The following ASXL1 variants were observed in gnomAD, a reference collection of about 807,000 sequenced individuals.
The protein encoded by ASXL1 is polycomb group protein ASXL1.
In ASXL1, 65 loss-of-function variants were observed where a neutral mutation model predicts 89.1. The ratio of observed to expected loss-of-function variants is 0.73; its 90% confidence interval spans 0.60 to 0.90. The LOEUF (loss-of-function observed/expected upper bound fraction) is 0.90, where lower values mean the gene tolerates loss of function less well. ASXL1 is among the 40% of genes least tolerant of loss of function. The pLI, the probability that ASXL1 is intolerant of heterozygous loss-of-function variation, is 0.00. For missense variants in ASXL1, 1,786 were observed against 1,942.9 expected (o/e 0.92, Z 1.52); for synonymous variants, 739 against 746.9 (o/e 0.99, Z 0.17).
At position 32,429,587 on chromosome 20, in the gene ASXL1, A is replaced by C. The variant is rs1341646673; in HGVS notation, c.565+156A>C. 1 of 837,126 alleles carries C rather than the reference A, an allele frequency of 1.2e-6. No individual in the cohort carries two copies. The allele number at this position is 837,126 out of a possible 1,614,324, so 51.9% of individuals were successfully genotyped here. A position where few individuals can be genotyped will look rare whatever the true frequency, so the allele number is the denominator to read the frequency against. ...ATGGATGAGGCCTGCCATAGGTTCT[A>C]GTGCTGGGCTCTGCTGTGTGCCTTC... On this transcript the variant is annotated intron_variant, in intron 7 of 12. Coordinates refer to ENST00000375687, the MANE Select transcript of ASXL1 (RefSeq NM_015338.6). This position sits in a 1 kb window ranked among gnomAD's most constrained non-coding sequence, Gnocchi z 4.9.
chr20:32,391,210 T>G (rs192906173), intron 4 of ASXL1, among the ~76,000 whole-genome samples: 1 of 152,256 alleles, frequency 6.6e-6, no homozygotes, highest in African/African-American at 2.4e-5. Context: ...TTCTGTATAT[T>G]GCAGGATAGT....
chr20:32,428,260 T>A lies in ASXL1; in HGVS notation c.373+12T>A. On this transcript the variant is annotated intron_variant, in intron 5 of 12. Transcript: ENST00000375687. ...TGGTGAAAACGATGGTAAGGACCCTTTAATGGATGGGTGAGGGAGCCACAG... is the reference window on the plus strand; with the variant it reads ...TGGTGAAAACGATGGTAAGGACCCTATAATGGATGGGTGAGGGAGCCACAG... 1 of 1,614,146 alleles carries A rather than the reference T, an allele frequency of 6.2e-7. No individual in the cohort carries two copies. The highest frequency in any genetic ancestry group is 8.5e-7 in the Non-Finnish European group (1 of 1,180,006).
At position 32,431,398 on chromosome 20, in the gene ASXL1, G is replaced by T; in HGVS notation, c.796G>T (p.Ala266Ser). 1 of 1,614,148 alleles carries T rather than the reference G, an allele frequency of 6.2e-7. No individual in the cohort carries two copies. Among genetic ancestry groups the T allele is most frequent in the Non-Finnish European group, 8.5e-7 (1 of 1,180,020 alleles). ...CATTCTTGTCAACACCAACCTCCGT[G>T]CCCTGATCAACTCTCGGACCTTCCA... ...GSILVNTNLR[A>S]LINSRTFHAL... The change falls in exon 9 of 13, where the codon GCC becomes TCC. Residue 266 changes from alanine to serine, a missense_variant. Coordinates refer to ENST00000375687, the MANE Select transcript of ASXL1 (RefSeq NM_015338.6).
chr20:32,418,809 C>CTTTTTTTTTTT (rs71338437), intron 4 of ASXL1, among the ~76,000 whole-genome samples: 16 of 55,748 alleles, frequency 2.9e-4, no homozygotes, highest in African/African-American at 6.7e-4. Flanking sequence ...GAATTGACAT[C>CTTTTTTTTTTT]TTTTTTTTTT....
rs2048411590 is a variant in ASXL1 at position 32,377,805 on chromosome 20, A to G, written c.252+8682A>G. Reference sequence around the variant, plus strand: ...GTAGCTGGGATTACAGACATGAGGCACCATGCCCGGCAAATTTTTGTATTT... The same window carrying G: ...GTAGCTGGGATTACAGACATGAGGCGCCATGCCCGGCAAATTTTTGTATTT... On this transcript the variant is annotated intron_variant, in intron 4 of 12. Transcript: ENST00000375687. 3.3e-5 allele frequency among the ~76,000 whole-genome samples: 5 copies of G among 152,036 alleles called. 1 individual carries two copies. The South Asian group carries it at 1.0e-3, about 32-fold the overall frequency.
At chr20:32,413,583 C>T (rs969016892) in intron 4 of ASXL1, among the ~76,000 whole-genome samples, 9 of 152,188 alleles carry the variant, frequency 5.9e-5, no homozygotes, top group Non-Finnish European at 1.3e-4. Context: ...TTCCTGCTCT[C>T]CGCATGGACA....
Position 32,432,957 on chromosome 20 carries a change from A to G in ASXL1, c.1057A>G (p.Lys353Glu). 1 of 1,613,984 alleles carries G rather than the reference A, an allele frequency of 6.2e-7. No homozygotes were observed. The highest frequency in any genetic ancestry group is 8.5e-7 in the Non-Finnish European group (1 of 1,180,024). ...KEKKVEQWKE[K>E]FFEDYYGQKL... ...AAAGAAGGTGGAACAATGGAAAGAA[A>G]AGTTCTTTGAAGACTACTATGGACA... Residue 353 changes from lysine (K) to glutamate (E), a missense_variant, in exon 11 of 13, where the codon AAG becomes GAG. Lys to Glu is a moderately conservative substitution (Grantham distance 56). Around this residue, in one of 3 missense-constraint regions of ASXL1, gnomAD observed 1,418 missense variants for 1,427.8 expected, o/e 0.99. Coordinates refer to ENST00000375687, the MANE Select transcript of ASXL1 (RefSeq NM_015338.6).
chr20:32,387,162 T>G (rs765552172), intron 4 of ASXL1, among the ~76,000 whole-genome samples: 2 of 151,892 alleles, frequency 1.3e-5, no homozygotes, highest in Non-Finnish European at 2.9e-5. Context: ...AAAAATTAAC[T>G]GGGCATGGTT....
intron 4 of ASXL1, among the ~76,000 whole-genome samples, chr20:32,398,396 A>C (rs541780542): frequency 6.6e-6 from 1 of 151,518 alleles, no homozygotes; most frequent in South Asian, 2.1e-4. Context: ...TTGGGTAACC[A>C]TCTTTATCTG....
Position 32,436,300 on chromosome 20 carries a change from T to C in ASXL1, c.3588T>C (p.Ala1196=), listed in dbSNP as rs1240485289. 6.2e-7 allele frequency: 1 copy of C among 1,614,174 alleles called. No individual in the cohort carries two copies. The highest frequency in any genetic ancestry group is 1.1e-5 in the South Asian group (1 of 91,084). The change falls in exon 13 of 13, where the codon GCT becomes GCC. Residue 1196 remains alanine (A), a synonymous_variant. Coordinates refer to ENST00000375687, the MANE Select transcript of ASXL1 (RefSeq NM_015338.6). ...TTGCCAGGATTGAGGCCACCCAGGC[T>C]CCTGGAGCACCCCAAAAGAATTGCA... is the stretch of plus-strand genomic sequence containing the variant. ...TGLARIEATQ[A]PGAPQKNCKA...
At chr20:32,382,660 C>T (rs533670405) in intron 4 of ASXL1, among the ~76,000 whole-genome samples, 15 of 150,886 alleles carry the variant, frequency 9.9e-5, no homozygotes, top group African/African-American at 3.6e-4. Flanking sequence ...GTGGCTCATG[C>T]CTGTGTTCCC....
rs116633791 is a variant in ASXL1 at position 32,429,917 on chromosome 20, C to T, written c.582C>T (p.His194=). The T allele has an allele frequency of 4.9e-3, 7,925 of 1,607,970 alleles. 335 individuals are homozygous for T. In the African/African-American group the frequency reaches 0.094, roughly 19 times the overall value. Residue 194 remains histidine (H), a synonymous_variant, in exon 8 of 13, where the codon CAC becomes CAT. Transcript: ENST00000375687. The surrounding 1 kb of genome is among the most constrained non-coding windows in gnomAD (Gnocchi z 4.9). ...VESASGFSGC[H]ADGESGSPSS... is the part of the protein sequence containing the mutation. ...TGCCTTCAGGGTTCTCGGGCTGCCACGCCGATGGCGAGAGCGGCAGCCCGT... is the reference window on the plus strand; with the variant it reads ...TGCCTTCAGGGTTCTCGGGCTGCCATGCCGATGGCGAGAGCGGCAGCCCGT...
Position 32,430,066 on chromosome 20 carries a change from G to A in ASXL1, c.718+13G>A, listed in dbSNP as rs760566150. 8 of 1,601,760 alleles carry A rather than the reference G, an allele frequency of 5.0e-6. No homozygotes were observed. Among genetic ancestry groups the A allele is most frequent in the East Asian group, 2.2e-5 (1 of 44,876 alleles). On this transcript the variant is annotated intron_variant, in intron 8 of 12. Coordinates refer to ENST00000375687, the MANE Select transcript of ASXL1 (RefSeq NM_015338.6). ...AAGCCAGCCACAGGTGAGTGGCGTG[G>A]CACTTATTTCTCTGCCTGTAAAGGG...
At chr20:32,375,670 G>A (rs548024657) in intron 4 of ASXL1, among the ~76,000 whole-genome samples, 1 of 149,422 alleles carries the variant, frequency 6.7e-6, no homozygotes, top group East Asian at 2.0e-4. Flanking sequence ...TAAGTAGTTT[G>A]TTTTTTTTGT....
At chr20:32,359,011 G>A (rs1215575597) in intron 1 of ASXL1, 179 bp downstream of exon 1, 1 of 678,036 alleles carries the variant, frequency 1.5e-6, no homozygotes, top group Non-Finnish European at 2.4e-6. Context: ...CCGCCGGGAT[G>A]GGATGTGGCG....
intron 12 of ASXL1, 34 bp downstream of exon 12, chr20:32,433,951 G>A (rs754367572): frequency 1.9e-6 from 3 of 1,610,768 alleles, no homozygotes; most frequent in Non-Finnish European, 2.5e-6. Flanking sequence ...CTGCCCTGGA[G>A]CCAGGTTTTC....
chr20:32,368,290 G>T (rs1404626041), intron 3 of ASXL1, among the ~76,000 whole-genome samples: 5 of 152,128 alleles, frequency 3.3e-5, no homozygotes, highest in African/African-American at 1.2e-4. Context: ...AGCATCCTTT[G>T]CACTGAATTG....
At chr20:32,378,158 TTGTGTGTGTGTGTGTGTGTGTG>T (rs142792019) in intron 4 of ASXL1, among the ~76,000 whole-genome samples, 3 of 130,226 alleles carry the variant, frequency 2.3e-5, no homozygotes, top group East Asian at 2.3e-4. Flanking sequence ...GCTGAGTAAT[TTGTGTGTGTGTGTGTGTGTGTG>T]TGTGTGTGTG....
At position 32,436,127 on chromosome 20, in the gene ASXL1, A is replaced by G. The variant is rs1414751361; in HGVS notation, c.3415A>G (p.Thr1139Ala). Residue 1139 changes from threonine to alanine, a missense_variant, in exon 13 of 13, where the codon ACA becomes GCA. By Grantham distance (58) the Thr-to-Ala change is moderately conservative. Transcript: ENST00000375687. Reference protein sequence around the residue: ...SMSESPQVPLTKDQSHGSLRM... With the variant: ...SMSESPQVPLAKDQSHGSLRM... ...GTCAGAATCCCCACAAGTACCACTT[A>G]CAAAAGACCAGAGCCATGGCTCGCT... 6 of 1,614,214 alleles carry G rather than the reference A, an allele frequency of 3.7e-6. No homozygotes were observed. In the South Asian group the frequency reaches 5.5e-5, roughly 15 times the overall value.
Sources: gnomAD v4.1 joint callset for allele counts (sites outside exome capture counted in the v4.1 genomes callset) on GRCh38, gnomAD v4.1.1 for gene constraint, gnomAD v4.1.1 regional missense constraint, Gnocchi (gnomAD v3.1) non-coding constraint, MANE v1.5 for transcripts, NCBI Gene and HGNC (gene_info 2026-07-23, HGNC 2026-07-21) for gene names.